ANKRD62: variants seen among roughly 807,000 people sequenced by gnomAD.
The protein encoded by ANKRD62 is ankyrin repeat domain 62.
ANKRD62 carries 61 observed loss-of-function variants against 98.8 expected under a neutral mutation model. That is an observed-to-expected ratio of 0.62 (90% CI 0.50 to 0.76). ANKRD62 has a LOEUF of 0.76. Among genes scored for constraint, ANKRD62 ranks in the 30% least tolerant of loss-of-function variants. The pLI, the probability that ANKRD62 is intolerant of heterozygous loss-of-function variation, is 0.00. For missense variants in ANKRD62, 933 were observed against 1,082.9 expected, an observed-to-expected ratio of 0.86 and a Z score of 1.94; for synonymous variants, 341 against 367.9, an observed-to-expected ratio of 0.93 and a Z score of 0.84.
intron 6 of ANKRD62, among the ~76,000 whole-genome samples, chr18:12,101,066 C>T (rs1020556461): frequency 2.0e-5 from 3 of 152,134 alleles, no homozygotes; most frequent in African/African-American, 7.2e-5. Context: ...AAATATGCCA[C>T]AGCACTCTCC....
intron 7 of ANKRD62, among the ~76,000 whole-genome samples, chr18:12,105,899 A>G (rs1568060202): frequency 6.6e-6 from 1 of 152,222 alleles, no homozygotes; most frequent in South Asian, 2.1e-4. Flanking sequence ...TAAAAATTTA[A>G]TAAGCTCTAG....
At chr18:12,160,571 G>A in the ANKRD62 span, among the ~76,000 whole-genome samples, 1 of 152,138 alleles carries the variant, frequency 6.6e-6, no homozygotes, top group Non-Finnish European at 1.5e-5. Context: ...CCCTTTAGAG[G>A]TTCTGTAACT....
chr18:12,138,056 T>C, the ANKRD62 span, among the ~76,000 whole-genome samples: 1 of 152,126 alleles, frequency 6.6e-6, no homozygotes, highest in Non-Finnish European at 1.5e-5. Context: ...TCAGTTCTGC[T>C]CTGATCTTAG....
At chr18:12,156,521 G>A in the ANKRD62 span, among the ~76,000 whole-genome samples, 2 of 152,070 alleles carry the variant, frequency 1.3e-5, no homozygotes, top group Non-Finnish European at 2.9e-5. Context: ...GTAAAGAACA[G>A]TATTTTTAAA....
At chr18:12,107,125 T>C (rs1909430597) in intron 7 of ANKRD62, among the ~76,000 whole-genome samples, 170 bp from the exon 8 acceptor site, 1 of 94,356 alleles carries the variant, frequency 1.1e-5, no homozygotes, top group African/African-American at 3.6e-5. Context: ...TGAATTTCAA[T>C]AAAAATTATA....
At position 12,122,316 on chromosome 18, in the gene ANKRD62, A is replaced by T. The variant is rs944120245; in HGVS notation, c.1254A>T (p.Leu418=). The T allele has an allele frequency of 6.5e-7, 1 of 1,534,296 alleles. No individual in the cohort carries two copies. The highest frequency in any genetic ancestry group is 8.7e-7 in the Non-Finnish European group (1 of 1,146,416). ...SGMECKDFVS[L]SKSKNATAAC... ...TCCTGGTAACAGATTTTGTTAGCCT[A>T]TCGAAAAGCAAGAATGCAACAGCTG... Residue 418 remains leucine (L), a synonymous_variant, in exon 11 of 14, where the codon CTA becomes CTT. Transcript: ENST00000587848.
Position 12,103,185 on chromosome 18 carries a change from G to C in ANKRD62, c.848G>C (p.Gly283Ala), listed in dbSNP as rs1274694386. Reference sequence around the variant, plus strand: ...CAAGACTTAGAAATGACATCAGAGGGAGAGCAAGAAAGGCTTGAAGGATGT... The same window carrying C: ...CAAGACTTAGAAATGACATCAGAGGCAGAGCAAGAAAGGCTTGAAGGATGT... ...SEQDLEMTSE[G>A]EQERLEGCES... The change falls in exon 7 of 14, where the codon GGA becomes GCA. Residue 283 changes from glycine (G) to alanine (A), a missense_variant. By Grantham distance (60) the Gly-to-Ala change is moderately conservative. Around this residue, in one of 3 missense-constraint regions of ANKRD62, gnomAD observed 549 missense variants for 587.9 expected, o/e 0.93. Transcript: ENST00000587848. 8.0e-6 allele frequency: 11 copies of C among 1,378,486 alleles called. No homozygotes were observed. Among genetic ancestry groups the C allele is most frequent in the Non-Finnish European group, 9.4e-6 (10 of 1,058,356 alleles). The allele number at this position is 1,378,486 out of a possible 1,614,324, so 85.4% of individuals were successfully genotyped here.
At position 12,122,318 on chromosome 18, in the gene ANKRD62, C is replaced by T. The variant is rs1186904272; in HGVS notation, c.1256C>T (p.Ser419Leu). Residue 419 changes from serine (S) to leucine (L), a missense_variant, in exon 11 of 14, where the codon TCG becomes TTG. By Grantham distance (145) the Ser-to-Leu change is moderately radical. This residue lies in a region of ANKRD62 where 549 missense variants were observed against 587.9 expected (regional missense o/e 0.93). Coordinates refer to ENST00000587848, the MANE Select transcript of ANKRD62 (RefSeq NM_001277333.2). ...GMECKDFVSL[S>L]KSKNATAACG... is the part of the protein sequence containing the mutation. ...CTGGTAACAGATTTTGTTAGCCTAT[C>T]GAAAAGCAAGAATGCAACAGCTGCA... The T allele has an allele frequency of 8.5e-6, 13 of 1,533,962 alleles. No individual in the cohort carries two copies. Among genetic ancestry groups the T allele is most frequent in the East Asian group, 4.9e-5 (2 of 40,782 alleles).
the ANKRD62 span, among the ~76,000 whole-genome samples, chr18:12,153,167 T>C: frequency 6.6e-6 from 1 of 152,080 alleles, no homozygotes; most frequent in Non-Finnish European, 1.5e-5. Flanking sequence ...CACAGACAAA[T>C]GTAAAAGCTA....
At chr18:12,100,481 A>C (rs4354997) in intron 6 of ANKRD62, among the ~76,000 whole-genome samples, 117,920 of 152,034 alleles carry the variant, frequency 0.78, 46,885 homozygotes, top group Middle Eastern at 0.92. Context: ...TTGCAGTTCA[A>C]ACCTGTGTTG....
chr18:12,115,681 A>C, intron 10 of ANKRD62, 147 bp downstream of exon 10: 1 of 726,188 alleles, frequency 1.4e-6, no homozygotes, highest in Non-Finnish European at 2.1e-6. Context: ...AATGAGAACT[A>C]CTCTATCTTG....
downstream of ANKRD62, among the ~76,000 whole-genome samples, chr18:12,134,368 GT>G (rs2082282638): frequency 6.6e-6 from 1 of 151,914 alleles, no homozygotes; most frequent in African/African-American, 2.4e-5. Flanking sequence ...TTTCTCATCT[GT>G]TTTCCCTTTT....
chr18:12,101,044 G>T (rs1255007904), intron 6 of ANKRD62, among the ~76,000 whole-genome samples: 3 of 152,080 alleles, frequency 2.0e-5, no homozygotes, highest in Non-Finnish European at 4.4e-5. Context: ...TAAGTATGAT[G>T]TGTTGCATTA....
the ANKRD62 span, among the ~76,000 whole-genome samples, chr18:12,156,579 A>T: frequency 6.6e-6 from 1 of 152,164 alleles, no homozygotes; most frequent in Non-Finnish European, 1.5e-5. Context: ...GCATCACATA[A>T]TATAAGTCTA....
the ANKRD62 span, among the ~76,000 whole-genome samples, chr18:12,164,269 T>A: frequency 6.6e-6 from 1 of 152,098 alleles, no homozygotes; most frequent in Admixed American, 6.6e-5. Context: ...CCCCTACATT[T>A]TCCAAGTTAG....
the ANKRD62 span, among the ~76,000 whole-genome samples, chr18:12,171,717 A>G: frequency 6.6e-6 from 1 of 152,168 alleles, no homozygotes; most frequent in Non-Finnish European, 1.5e-5. Context: ...TCTCCTGGGT[A>G]ATATCCTGCA....
the ANKRD62 span, among the ~76,000 whole-genome samples, chr18:12,181,569 T>A: frequency 2.6e-5 from 4 of 152,162 alleles, no homozygotes; most frequent in African/African-American, 9.7e-5. Context: ...GGTACACAAT[T>A]GATGATTTAT....
At chr18:12,169,846 G>T in the ANKRD62 span, among the ~76,000 whole-genome samples, 3 of 152,108 alleles carry the variant, frequency 2.0e-5, no homozygotes, top group Non-Finnish European at 4.4e-5. Context: ...CTTCTTCCTG[G>T]TTTAGTCTTG....
chr18:12,180,586 TC>T, the ANKRD62 span, among the ~76,000 whole-genome samples: 1 of 128,344 alleles, frequency 7.8e-6, no homozygotes, highest in African/African-American at 3.0e-5. Flanking sequence ...CTGCCCTTCT[TC>T]TTAGGTTGTC....
Sources: gnomAD v4.1 joint callset for allele counts (sites outside exome capture counted in the v4.1 genomes callset) on GRCh38, gnomAD v4.1.1 for gene constraint, gnomAD v4.1.1 regional missense constraint, MANE v1.5 for transcripts, NCBI Gene and HGNC (gene_info 2026-07-23, HGNC 2026-07-21) for gene names.